The following SLBP variants were observed in gnomAD, a reference collection of about 807,000 sequenced individuals.
SLBP encodes the protein stem-loop histone mRNA binding protein, also known as histone RNA hairpin-binding protein.
A neutral mutation model predicts 39.2 loss-of-function variants in SLBP; 29 were observed. The ratio of observed to expected loss-of-function variants is 0.74; its 90% CI spans 0.55 to 1.01. The LOEUF (loss-of-function observed/expected upper bound fraction) is 1.01. Ranked by LOEUF, SLBP falls within the 50% of genes least tolerant of loss-of-function variation. The pLI, the probability that SLBP is intolerant of heterozygous loss-of-function variation, is 0.00. For missense variants in SLBP, 390 were observed against 350.2 expected (o/e 1.11, Z -0.91); for synonymous variants, 129 against 118.7 (o/e 1.09, Z -0.57).
chr4:1,698,277 G>A (rs897697985), intron 5 of SLBP, among the ~76,000 whole-genome samples: 1 of 151,206 alleles, frequency 6.6e-6, no homozygotes, highest in Non-Finnish European at 1.5e-5. Flanking sequence ...CCCGAGAGGT[G>A]GAGTTGAAAT....
intron 2 of SLBP, 111 bp downstream of exon 2, chr4:1,711,763 C>T: frequency 2.0e-6 from 1 of 502,006 alleles, no homozygotes; most frequent in Non-Finnish European, 3.1e-6. Context: ...TAAAAGGACG[C>T]AGGGTGCCGA....
In SLBP at chr4:1,712,253, C is replaced by A. The variant is rs1273556564; in HGVS notation, c.-65G>T. On this transcript the variant is annotated 5_prime_UTR_variant, in exon 1 of 8. Transcript: ENST00000489418. ...AGGCGGCGGCGGCGCGGGCAGAGAG[C>A]GCAGAGTAGAGCAGGGCAGGGCCTG... 19 of 1,055,012 alleles carry A rather than the reference C, an allele frequency of 1.8e-5. No individual in the cohort carries two copies. In the East Asian group the frequency reaches 6.7e-4, roughly 37 times the overall value. The allele number at this position is 1,055,012 out of a possible 1,614,324, so 65.4% of individuals were successfully genotyped here. A position where few individuals can be genotyped will look rare whatever the true frequency, so the allele number is the denominator to read the frequency against.
At chr4:1,707,152 G>A (rs1309980820) in intron 2 of SLBP, among the ~76,000 whole-genome samples, 1 of 146,844 alleles carries the variant, frequency 6.8e-6, no homozygotes, top group Non-Finnish European at 1.5e-5. Flanking sequence ...CCGGGAAGCG[G>A]AGCTTGCAGT....
At chr4:1,710,830 ACT>A (rs374083735) in intron 2 of SLBP, among the ~76,000 whole-genome samples, 420 of 152,048 alleles carry the variant, frequency 2.8e-3, no homozygotes, top group Middle Eastern at 0.01. Context: ...TGGGTGGATC[ACT>A]TGAGGTCAGG....
At chr4:1,700,423 C>T (rs1245692070) in intron 3 of SLBP, among the ~76,000 whole-genome samples, 1 of 152,124 alleles carries the variant, frequency 6.6e-6, no homozygotes, top group Non-Finnish European at 1.5e-5. Flanking sequence ...TCCTCATGAA[C>T]TTCCTGAGGC....
At chr4:1,696,150 A>G (rs1716096700) in intron 6 of SLBP, 52 bp downstream of exon 6, 6 of 1,485,238 alleles carry the variant, frequency 4.0e-6, no homozygotes, top group Middle Eastern at 3.6e-4. Flanking sequence ...CAGCTGCTCC[A>G]GTCACTGGAC....
chr4:1,696,879 AC>A (rs1324997683), intron 5 of SLBP, among the ~76,000 whole-genome samples: 4 of 150,166 alleles, frequency 2.7e-5, no homozygotes, highest in Non-Finnish European at 4.4e-5. Context: ...CATGGGCAAC[AC>A]AGCGAGACTT....
At chr4:1,698,955 A>G (rs375894676) in intron 5 of SLBP, among the ~76,000 whole-genome samples, 1 of 151,962 alleles carries the variant, frequency 6.6e-6, no homozygotes, top group South Asian at 2.1e-4. Context: ...ACACCTGGCT[A>G]ATTTTTAAAT....
At chr4:1,711,751 G>A in intron 2 of SLBP, 123 bp downstream of exon 2, 1 of 466,830 alleles carries the variant, frequency 2.1e-6, no homozygotes, top group Non-Finnish European at 3.5e-6. Context: ...CGGAGACCAA[G>A]ATAAAAGGAC....
chr4:1,705,542 G>C (rs1414274249), intron 2 of SLBP, among the ~76,000 whole-genome samples: 4 of 152,138 alleles, frequency 2.6e-5, no homozygotes, highest in Admixed American at 2.0e-4. Context: ...TGAATTATCT[G>C]TAAGTCTGAG....
In SLBP at chr4:1,699,721, A is replaced by T. The variant is rs1222649857; in HGVS notation, c.342-20T>A. ...TCAGAACTGAAAAAACAACAGATTA[A>T]CAGAATAAGCCCTGCAATTAAGATC... On this transcript the variant is annotated intron_variant, in intron 4 of 7. Transcript: ENST00000489418. The T allele has an allele frequency of 6.2e-7, 1 of 1,611,450 alleles. No homozygotes were observed. The highest frequency in any genetic ancestry group is 8.5e-7 in the Non-Finnish European group (1 of 1,178,440).
At chr4:1,709,423 GAAGA>G (rs892140944) in intron 2 of SLBP, among the ~76,000 whole-genome samples, 5 of 152,178 alleles carry the variant, frequency 3.3e-5, no homozygotes, top group African/African-American at 7.2e-5. Context: ...CAGTGTTCAA[GAAGA>G]AAGACATTCC....
rs369039404 is a variant in SLBP, at chr4:1,701,146, C to CTTTTTTTTTTT, written c.282-1087_282-1077dup. Among the ~76,000 whole-genome samples, 137 of 123,604 alleles carry CTTTTTTTTTTT rather than the reference C, an allele frequency of 1.1e-3. 1 individual carries two copies. Among genetic ancestry groups the CTTTTTTTTTTT allele is most frequent in the East Asian group, 1.7e-3 (7 of 4,202 alleles). 81.1% of individuals were successfully genotyped at this position (123,604 alleles called of 152,430 possible). On this transcript the variant is annotated intron_variant, in intron 3 of 7. Transcript: ENST00000489418. ...GATGAAAATCCATTTTCTTTTTTTT[C>CTTTTTTTTTTT]TTTTTTTTTTTTTTTTTGAGACGGA...
rs74443617 is a variant in SLBP at position 1,708,940 on chromosome 4, T to G, written c.176+2934A>C. On this transcript the variant is annotated intron_variant, in intron 2 of 7. Coordinates refer to ENST00000489418, the MANE Select transcript of SLBP (RefSeq NM_006527.4). ...TCTAAAGCACTGTAAGGATTTAATA[T>G]TTTTATCTTCAGCTAAATGAGACCA... is the stretch of plus-strand genomic sequence containing the variant. 1.3e-3 allele frequency among the ~76,000 whole-genome samples: 197 copies of G among 152,332 alleles called. 1 individual carries two copies. Among genetic ancestry groups the G allele is most frequent in the African/African-American group, 4.2e-3 (175 of 41,570 alleles).
At chr4:1,705,013 T>G (rs969924408) in intron 2 of SLBP, among the ~76,000 whole-genome samples, 1 of 152,100 alleles carries the variant, frequency 6.6e-6, no homozygotes. Context: ...CTGCAACCTC[T>G]GCCTCCCAGG....
In SLBP at chr4:1,703,644, G is replaced by C. The variant is rs1448074575; in HGVS notation, c.233C>G (p.Ala78Gly). ...GGTCCTCATTTCATCTTCTTCAACT[G>C]CACTTGCCCAGTCAGAGCATCTGGA... ...PRSRCSDWAS[A>G]VEEDEMRTRV... The change falls in exon 3 of 8, where the codon GCA becomes GGA. Residue 78 changes from alanine to glycine, a missense_variant. Coordinates refer to ENST00000489418, the MANE Select transcript of SLBP (RefSeq NM_006527.4). The C allele has an allele frequency of 6.2e-7, 1 of 1,613,878 alleles. No homozygotes were observed. The highest frequency in any genetic ancestry group is 1.3e-5 in the African/African-American group (1 of 75,024).
At chr4:1,699,222 T>G (rs181542639) in intron 5 of SLBP, among the ~76,000 whole-genome samples, 1 of 152,306 alleles carries the variant, frequency 6.6e-6, no homozygotes, top group East Asian at 1.9e-4. Flanking sequence ...AATGCCAATT[T>G]TTTTTTCTCC....
chr4:1,703,545 GT>G, intron 3 of SLBP, 50 bp downstream of exon 3: 1 of 1,122,274 alleles, frequency 8.9e-7, no homozygotes, highest in Non-Finnish European at 1.4e-6. Flanking sequence ...AATTTAATGT[GT>G]TACTGAAAAC....
Position 1,693,645 on chromosome 4 carries a change from C to CA in SLBP, c.764dup (p.Leu255PhefsTer7). 1.9e-6 allele frequency: 3 copies of CA among 1,614,012 alleles called. No homozygotes were observed. Among genetic ancestry groups the CA allele is most frequent in the Non-Finnish European group, 1.7e-6 (2 of 1,179,894 alleles). ...TCAAGGGTTCAGTTAAACAAGCTTC[C>CA]AAATCAAACTCATCCTCCACTTGAC... is the stretch of plus-strand genomic sequence containing the variant. On this transcript the variant is annotated frameshift_variant, in exon 8 of 8. Transcript: ENST00000489418. LOFTEE classifies it high-confidence loss of function.
Sources: gnomAD v4.1 joint callset for allele counts (sites outside exome capture counted in the v4.1 genomes callset) on GRCh38, gnomAD v4.1.1 for gene constraint, MANE v1.5 for transcripts, NCBI Gene and HGNC (gene_info 2026-07-23, HGNC 2026-07-21) for gene names.